The following BEND3 variants were observed in gnomAD, a reference collection of about 807,000 sequenced individuals.
BEND3 encodes the protein BEN domain-containing protein 3.
Under a neutral mutation model 60.1 loss-of-function variants are expected in BEND3, and 13 were observed. The ratio of observed to expected loss-of-function variants is 0.22; its 90% confidence interval spans 0.14 to 0.34. The LOEUF is 0.34. Ranked by LOEUF, BEND3 falls within the 10% of genes least tolerant of loss-of-function variation. The pLI is 1.00. For synonymous variants in BEND3, 497 were observed against 491.5 expected, an observed-to-expected ratio of 1.01 and a Z score of -0.15; for missense variants, 896 against 1,138.1, an observed-to-expected ratio of 0.79 and a Z score of 3.06.
In BEND3 at chr6:107,069,430, C is replaced by G. The variant is rs781882710; in HGVS notation, c.1761G>C (p.Thr587=). 8.7e-6 allele frequency: 14 copies of G among 1,612,470 alleles called. No individual in the cohort carries two copies. The highest frequency in any genetic ancestry group is 1.2e-5 in the Non-Finnish European group (14 of 1,180,014). ...LLVHLFPELF[T]HENLRKQYNC... ...TGTACTGCTTGCGCAGGTTCTCGTG[C>G]GTGAAGAGCTCGGGGAACAGGTGCA... The change falls in exon 4 of 4, where the codon ACG becomes ACC. Residue 587 remains threonine (T), a synonymous_variant. Coordinates refer to ENST00000369042, the MANE Select transcript of BEND3 (RefSeq NM_001367314.1).
At chr6:107,076,507 GTAAA>G (rs1346244350) in intron 3 of BEND3, among the ~76,000 whole-genome samples, 3 of 152,182 alleles carry the variant, frequency 2.0e-5, no homozygotes, top group Non-Finnish European at 4.4e-5. Flanking sequence ...CAAGTGAGGG[GTAAA>G]TAGACTATTT....
intron 1 of BEND3, among the ~76,000 whole-genome samples, chr6:107,109,964 G>T (rs1312812962): frequency 1.3e-5 from 2 of 150,928 alleles, no homozygotes; most frequent in Non-Finnish European, 2.9e-5. Flanking sequence ...CCAGGAGGTT[G>T]AAGCTGCAGT....
At chr6:107,098,295 G>C (rs1435394792) in intron 3 of BEND3, among the ~76,000 whole-genome samples, 1 of 152,160 alleles carries the variant, frequency 6.6e-6, no homozygotes, top group African/African-American at 2.4e-5. Context: ...CCCCCACAAA[G>C]CACAGCAAAA....
In BEND3 at chr6:107,067,580, C is replaced by T. The variant is rs545457849; in HGVS notation, c.*1124G>A. On this transcript the variant is annotated 3_prime_UTR_variant, in exon 4 of 4. Transcript: ENST00000369042. The stretch of plus-strand genomic sequence containing the variant: ...TGGACCCTGGGAAGGGACATGTGTA[C>T]CCCATCTAAAATGGCCTGTGTCCTT... 1 of 152,400 alleles carries T rather than the reference C, an allele frequency of 6.6e-6. No homozygotes were observed. Among genetic ancestry groups the T allele is most frequent in the South Asian group, 2.1e-4 (1 of 4,822 alleles). The allele number at this position is 152,400 out of a possible 1,614,324, so 9.4% of individuals were successfully genotyped here.
At chr6:107,094,898 G>A (rs1419859671) in intron 3 of BEND3, among the ~76,000 whole-genome samples, 2 of 147,140 alleles carry the variant, frequency 1.4e-5, no homozygotes, top group African/African-American at 5.0e-5. Flanking sequence ...ATGGTTCACG[G>A]CAGCCCCGAC....
At chr6:107,107,978 A>G (rs1183981292) in intron 1 of BEND3, among the ~76,000 whole-genome samples, 2 of 152,160 alleles carry the variant, frequency 1.3e-5, no homozygotes, top group Non-Finnish European at 2.9e-5. Flanking sequence ...ACCGGCTGGG[A>G]GCCTCAAGGG....
rs1554231332 is a variant in BEND3 at position 107,069,086 on chromosome 6, G to C, written c.2105C>G (p.Pro702Arg). 1.2e-6 allele frequency: 2 copies of C among 1,613,012 alleles called. No individual in the cohort carries two copies. The highest frequency in any genetic ancestry group is 1.7e-6 in the Non-Finnish European group (2 of 1,179,982). Reference protein sequence around the residue: ...ERSSKDFCKIPLDELVVPSPD... With the variant: ...ERSSKDFCKIRLDELVVPSPD... Reference sequence around the variant, plus strand: ...CGAGGGGACCACCAGCTCGTCCAAGGGGATCTTGCAAAAGTCCTTGCTGCT... The same window carrying C: ...CGAGGGGACCACCAGCTCGTCCAAGCGGATCTTGCAAAAGTCCTTGCTGCT... Residue 702 changes from proline (P) to arginine (R), a missense_variant, in exon 4 of 4, where the codon CCC (proline) becomes CGC (arginine). Coordinates refer to ENST00000369042, the MANE Select transcript of BEND3 (RefSeq NM_001367314.1).
intron 3 of BEND3, among the ~76,000 whole-genome samples, chr6:107,092,568 A>G (rs1020986786): frequency 6.6e-6 from 1 of 152,226 alleles, no homozygotes; most frequent in Non-Finnish European, 1.5e-5. Context: ...ATCAGGCACA[A>G]AGCAAGGATG....
intron 3 of BEND3, among the ~76,000 whole-genome samples, chr6:107,084,002 T>C (rs1364390259): frequency 2.6e-5 from 4 of 152,228 alleles, no homozygotes; most frequent in Non-Finnish European, 5.9e-5. Context: ...TGGGCCAGCA[T>C]GGAAGGAGCC....
chr6:107,101,004 C>G (rs986002804), intron 1 of BEND3, among the ~76,000 whole-genome samples: 12 of 152,146 alleles, frequency 7.9e-5, no homozygotes, highest in African/African-American at 2.9e-4. Flanking sequence ...AAGTTCAACA[C>G]CAGCCTGGCC....
intron 3 of BEND3, among the ~76,000 whole-genome samples, chr6:107,078,637 A>G (rs1775154649): frequency 6.7e-6 from 1 of 148,780 alleles, no homozygotes; most frequent in South Asian, 2.1e-4. Context: ...CAACATTTCT[A>G]AAGGCTGACA....
chr6:107,075,283 A>G (rs1206937195), intron 3 of BEND3, among the ~76,000 whole-genome samples: 1 of 152,170 alleles, frequency 6.6e-6, no homozygotes, highest in African/African-American at 2.4e-5. Flanking sequence ...GAAAGCAAAA[A>G]GAATAGAAAA....
chr6:107,098,995 T>G (rs782217578), intron 2 of BEND3, among the ~76,000 whole-genome samples: 32 of 152,118 alleles, frequency 2.1e-4, no homozygotes, highest in Non-Finnish European at 3.8e-4. Flanking sequence ...CATCTTTTTT[T>G]GGGGGGGAAG....
chr6:107,076,836 A>G (rs1775110727), intron 3 of BEND3, among the ~76,000 whole-genome samples: 1 of 151,920 alleles, frequency 6.6e-6, no homozygotes, highest in African/African-American at 2.4e-5. Flanking sequence ...CATCATCATC[A>G]TCAAATTTTT....
chr6:107,071,097 C>T, intron 3 of BEND3, 147 bp from the exon 4 acceptor site: 1 of 743,614 alleles, frequency 1.3e-6, no homozygotes, highest in South Asian at 2.0e-5. Context: ...CTCTGTCATC[C>T]AAGGATGCAC....
chr6:107,092,228 G>A (rs1775492485), intron 3 of BEND3, among the ~76,000 whole-genome samples: 1 of 151,656 alleles, frequency 6.6e-6, no homozygotes, highest in Non-Finnish European at 1.5e-5. Flanking sequence ...CTGCACTCCC[G>A]CCTAGGAGAT....
rs2115027010 is a variant in BEND3, at chr6:107,098,539, C to G, written c.240+12G>C. ...GAGCCCAAGCAAAGAGTGACAGCAG[C>G]TAGGCCCTCACCTCGGGGATCAGCC... On this transcript the variant is annotated intron_variant, in intron 3 of 3. Transcript: ENST00000369042. 3.1e-6 allele frequency: 5 copies of G among 1,610,530 alleles called. No individual in the cohort carries two copies. The highest frequency in any genetic ancestry group is 4.2e-6 in the Non-Finnish European group (5 of 1,179,728).
intron 3 of BEND3, among the ~76,000 whole-genome samples, chr6:107,097,790 CAAAAAAA>C (rs10674719): frequency 1.9e-5 from 1 of 53,350 alleles, no homozygotes; most frequent in African/African-American, 8.1e-5. Flanking sequence ...AACTCCGTCT[CAAAAAAA>C]AAAAAAAAAA....
chr6:107,114,691 C>T (rs1303802774), intron 1 of BEND3, among the ~76,000 whole-genome samples: 1 of 147,098 alleles, frequency 6.8e-6, no homozygotes, highest in African/African-American at 2.4e-5. Context: ...CGCTCCATCG[C>T]GGCGCCCGGC....
Sources: gnomAD v4.1 joint callset for allele counts (sites outside exome capture counted in the v4.1 genomes callset) on GRCh38, gnomAD v4.1.1 for gene constraint, MANE v1.5 for transcripts, NCBI Gene and HGNC (gene_info 2026-07-23, HGNC 2026-07-21) for gene names.